The following CROT variants were observed in gnomAD, a reference collection of about 807,000 sequenced individuals.
CROT encodes the protein peroxisomal carnitine O-octanoyltransferase.
Under a neutral mutation model 89.2 loss-of-function variants are expected in CROT, and 84 were observed. That is an observed-to-expected ratio of 0.94 (90% CI 0.79 to 1.13). The LOEUF is 1.13. Among genes scored for constraint, CROT ranks in the 50% most tolerant of loss-of-function variants. CROT has a pLI of 0.00. For missense variants in CROT, 711 were observed against 727.8 expected (o/e 0.98, Z 0.27); for synonymous variants, 212 against 239.5 (o/e 0.89, Z 1.06).
intron 13 of CROT, among the ~76,000 whole-genome samples, chr7:87,384,858 A>T (rs1314816182): frequency 6.6e-6 from 1 of 152,214 alleles, no homozygotes; most frequent in Non-Finnish European, 1.5e-5. Context: ...CTTATATTTA[A>T]GCCTTTAATC....
chr7:87,366,245 T>C (rs1211286852), intron 6 of CROT, among the ~76,000 whole-genome samples: 1 of 152,124 alleles, frequency 6.6e-6, no homozygotes, highest in East Asian at 1.9e-4. Flanking sequence ...AGGGGGAATT[T>C]TTTTTTTCTT....
At chr7:87,382,307 ATT>A (rs772392444) in intron 12 of CROT, 104 bp from the exon 13 acceptor site, 7 of 1,442,764 alleles carry the variant, frequency 4.9e-6, no homozygotes, top group Non-Finnish European at 6.7e-6. Context: ...AACACCTTTA[ATT>A]CTTTATGTCT....
At chr7:87,374,556 T>C (rs1003559731) in intron 7 of CROT, among the ~76,000 whole-genome samples, 3 of 151,994 alleles carry the variant, frequency 2.0e-5, no homozygotes, top group African/African-American at 4.8e-5. Flanking sequence ...TTACTTATAA[T>C]TGGAGCAAAA....
chr7:87,392,876 T>C (rs1807415024), intron 16 of CROT, 53 bp downstream of exon 16: 1 of 1,609,852 alleles, frequency 6.2e-7, no homozygotes, highest in Non-Finnish European at 8.5e-7. Context: ...TCTTTTTGTA[T>C]ATTAAATGGT....
intron 6 of CROT, among the ~76,000 whole-genome samples, chr7:87,367,349 C>G (rs1457794429): frequency 6.6e-6 from 1 of 152,100 alleles, no homozygotes; most frequent in Non-Finnish European, 1.5e-5. Flanking sequence ...CCTCTAAAAG[C>G]TGGAAAAAGG....
intron 3 of CROT, among the ~76,000 whole-genome samples, chr7:87,356,335 T>G (rs1290464413): frequency 6.6e-6 from 1 of 152,236 alleles, no homozygotes; most frequent in African/African-American, 2.4e-5. Context: ...GAGGGTTTTT[T>G]ATTTTTGTTT....
chr7:87,363,357 T>C (rs1311051358), intron 6 of CROT, among the ~76,000 whole-genome samples: 1 of 152,220 alleles, frequency 6.6e-6, no homozygotes, highest in Non-Finnish European at 1.5e-5. Flanking sequence ...ATAAGATTAG[T>C]AACTACATGG....
chr7:87,376,052 C>G, intron 9 of CROT, 99 bp downstream of exon 9: 1 of 1,162,554 alleles, frequency 8.6e-7, no homozygotes, highest in East Asian at 2.5e-5. Flanking sequence ...TACCTTTAGG[C>G]TCTTGAAACT....
intron 6 of CROT, among the ~76,000 whole-genome samples, chr7:87,366,758 C>G (rs1411259658): frequency 6.6e-6 from 1 of 152,120 alleles, no homozygotes; most frequent in Non-Finnish European, 1.5e-5. Flanking sequence ...GTGGTAAAAC[C>G]TAAACATCGT....
chr7:87,358,341 G>T (rs1280077459), intron 3 of CROT, among the ~76,000 whole-genome samples: 1 of 151,262 alleles, frequency 6.6e-6, no homozygotes, highest in African/African-American at 2.4e-5. Flanking sequence ...AAAGAGCCAG[G>T]AGTGGTGGCG....
intron 10 of CROT, among the ~76,000 whole-genome samples, chr7:87,381,681 G>A (rs1807011018): frequency 6.6e-6 from 1 of 152,088 alleles, no homozygotes; most frequent in East Asian, 1.9e-4. Context: ...CCCACCAGAA[G>A]CCCTACTAGG....
chr7:87,397,550 T>C (rs1419229031), intron 17 of CROT, among the ~76,000 whole-genome samples: 1 of 152,166 alleles, frequency 6.6e-6, no homozygotes, highest in African/African-American at 2.4e-5. Context: ...GAATGGTTAA[T>C]CTGTGGAGAG....
chr7:87,351,161 TAGCC>T (rs1805854198), intron 3 of CROT, among the ~76,000 whole-genome samples: 1 of 151,798 alleles, frequency 6.6e-6, no homozygotes, highest in Non-Finnish European at 1.5e-5. Context: ...GCAAAAAAAT[TAGCC>T]AGGCGTGGTG....
intron 6 of CROT, among the ~76,000 whole-genome samples, chr7:87,363,377 A>G (rs186110982): frequency 1.4e-4 from 22 of 152,342 alleles, no homozygotes; most frequent in Admixed American, 1.4e-3. Flanking sequence ...GCAATTTTAT[A>G]TTAGATAGTC....
At position 87,393,020 on chromosome 7, in the gene CROT, C is replaced by T. The variant is rs778135961; in HGVS notation, c.1671C>T (p.Pro557=). 8 of 1,613,402 alleles carry T rather than the reference C, an allele frequency of 5.0e-6. No homozygotes were observed. The highest frequency in any genetic ancestry group is 1.3e-5 in the African/African-American group (1 of 74,890). ...TACGAGTCCAGGGAGTGGTAGTTCCCATGGTACACAATGGTTATGGATTTT... is the reference window on the plus strand; with the variant it reads ...TACGAGTCCAGGGAGTGGTAGTTCCTATGGTACACAATGGTTATGGATTTT... ...GYLRVQGVVV[P]MVHNGYGFFY... The change falls in exon 17 of 18, where the codon CCC becomes CCT. Residue 557 remains proline (P), a synonymous_variant. Coordinates refer to ENST00000331536, the MANE Select transcript of CROT (RefSeq NM_021151.4).
At chr7:87,378,470 G>A (rs1446346056) in intron 10 of CROT, among the ~76,000 whole-genome samples, 2 of 152,076 alleles carry the variant, frequency 1.3e-5, no homozygotes, top group Non-Finnish European at 2.9e-5. Flanking sequence ...AGCTAAATTT[G>A]GGTAAAGCTG....
At chr7:87,395,903 AC>A (rs1807510684) in intron 17 of CROT, among the ~76,000 whole-genome samples, 2 of 152,158 alleles carry the variant, frequency 1.3e-5, no homozygotes, top group Non-Finnish European at 2.9e-5. Context: ...ATTGTCTTTT[AC>A]CCCAATGGAA....
At chr7:87,349,238 T>C (rs11971666) in intron 3 of CROT, 55 bp downstream of exon 3, 18,897 of 840,384 alleles carry the variant, frequency 0.022, 683 homozygotes, top group African/African-American at 0.14. Flanking sequence ...TAGAAAACTG[T>C]GATACTGTTG....
rs951342925 is a variant in CROT at position 87,345,719 on chromosome 7, G to C, written c.-161G>C. On this transcript the variant is annotated 5_prime_UTR_variant, in exon 1 of 18. Transcript: ENST00000331536. ...GGGGAGCGAGCCGGTGCTGCTGCAG[G>C]CTGAGGCTGCGGCAGAGGCGGCGAG... 8 of 354,128 alleles carry C rather than the reference G, an allele frequency of 2.3e-5. No homozygotes were observed. The highest frequency in any genetic ancestry group is 1.5e-4 in the African/African-American group (7 of 47,262). The allele number at this position is 354,128 out of a possible 1,614,324, so 21.9% of individuals were successfully genotyped here.
Sources: allele counts gnomAD v4.1 joint callset (sites outside exome capture counted in the v4.1 genomes callset), GRCh38; gene constraint gnomAD v4.1.1; transcripts MANE v1.5; gene names NCBI Gene and HGNC (gene_info 2026-07-23, HGNC 2026-07-21).